TRPV1: variants seen among roughly 807,000 people sequenced by gnomAD.
The protein encoded by TRPV1 is transient receptor potential cation channel subfamily V member 1, also known as OTRPC1.
In TRPV1, 82 loss-of-function variants were observed where a neutral mutation model predicts 82.3. The observed-to-expected ratio is 1.00, with a 90% CI of 0.83 to 1.20. TRPV1 has a LOEUF of 1.20. Ranked by LOEUF, TRPV1 falls within the 50% of genes most tolerant of loss-of-function variation. TRPV1 has a pLI of 0.00. For synonymous variants in TRPV1, 515 were observed against 467.7 expected, an observed-to-expected ratio of 1.10 and a Z score of -1.30; for missense variants, 1,067 against 1,096.8, an observed-to-expected ratio of 0.97 and a Z score of 0.38.
chr17:3,599,394 CA>C (rs1283792484), intron 2 of TRPV1, among the ~76,000 whole-genome samples: 1 of 152,144 alleles, frequency 6.6e-6, no homozygotes, highest in African/African-American at 2.4e-5. Context: ...ACTTTTTCAT[CA>C]TCCCAAACTG....
At position 3,573,719 on chromosome 17, in the gene TRPV1, T is replaced by C; in HGVS notation, c.2017A>G (p.Ile673Val). ...GCGATGAGCATGTTGAGCAGGAGGA[T>C]GTAGGTGAGAATTACATAGGCCAGC... ...LLLAYVILTYILLLNMLIALM... is the reference protein window; with the variant it reads ...LLLAYVILTYVLLLNMLIALM... The change falls in exon 14 of 17, where the codon ATC becomes GTC. Residue 673 changes from isoleucine (I) to valine (V), a missense_variant. Transcript: ENST00000572705. 1.2e-6 allele frequency: 2 copies of C among 1,613,956 alleles called. No individual in the cohort carries two copies. Among genetic ancestry groups the C allele is most frequent in the Non-Finnish European group, 1.7e-6 (2 of 1,179,976 alleles).
intron 3 of TRPV1, 142 bp downstream of exon 3, chr17:3,591,925 G>A: frequency 1.6e-6 from 2 of 1,259,860 alleles, no homozygotes; most frequent in Non-Finnish European, 2.1e-6. Context: ...GTCACATGAG[G>A]AAGGACGCTG....
intron 2 of TRPV1, 22 bp from the exon 3 acceptor site, chr17:3,592,405 GGT>G (rs1469679316): frequency 6.6e-7 from 1 of 1,524,430 alleles, no homozygotes; most frequent in Non-Finnish European, 8.8e-7. Context: ...ACCACGCCGG[GGT>G]TGACTCCCAA....
At chr17:3,583,495 G>C (rs569387960) in intron 9 of TRPV1, 65 bp from the exon 10 acceptor site, 3 of 1,309,878 alleles carry the variant, frequency 2.3e-6, no homozygotes, top group South Asian at 2.6e-5. Context: ...ACATGGACCA[G>C]GTCCATGAAG....
At chr17:3,573,077 C>CTTAGTACAG in intron 14 of TRPV1, among the ~76,000 whole-genome samples, 1 of 151,274 alleles carries the variant, frequency 6.6e-6, no homozygotes, top group African/African-American at 2.4e-5. Flanking sequence ...GAGACAGACA[C>CTTAGTACAG]TTAGTACAGT....
chr17:3,604,298 CAGA>C (rs138694605), intron 2 of TRPV1, among the ~76,000 whole-genome samples: 5,230 of 152,232 alleles, frequency 0.034, 101 homozygotes, highest in Middle Eastern at 0.082. Context: ...CAGTCCACTT[CAGA>C]AGAAGAGAAA....
At chr17:3,591,860 G>C (rs751357346) in intron 3 of TRPV1, among the ~76,000 whole-genome samples, 1 of 152,198 alleles carries the variant, frequency 6.6e-6, no homozygotes, top group South Asian at 2.1e-4. Context: ...CATTGCGGGC[G>C]TGGACACCTA....
At chr17:3,596,535 C>T (rs1365626807) in intron 2 of TRPV1, among the ~76,000 whole-genome samples, 1 of 152,224 alleles carries the variant, frequency 6.6e-6, no homozygotes, top group Non-Finnish European at 1.5e-5. Context: ...CTCGTCCACT[C>T]CACAGAGAGG....
chr17:3,577,561 G>T (rs200485206), intron 12 of TRPV1, 37 bp downstream of exon 12: 2 of 1,555,182 alleles, frequency 1.3e-6, no homozygotes, highest in Non-Finnish European at 1.7e-6. Flanking sequence ...GAGGTAAGCG[G>T]GCTCTGAGGA....
Position 3,566,913 on chromosome 17 carries a change from C to G in TRPV1, c.2422G>C (p.Ala808Pro). Residue 808 changes from alanine to proline, a missense_variant, in exon 17 of 17, where the codon GCT (alanine) becomes CCT (proline). Ala to Pro is a conservative substitution (Grantham distance 27). Coordinates refer to ENST00000572705, the MANE Select transcript of TRPV1 (RefSeq NM_080704.4). ...CGCAGATAAACTTCCTCGGGCTGAG[C>G]AGACTGCCTATCTCGAGCACTTGCC... ...REASARDRQS[A>P]QPEEVYLRQF... 2 of 1,613,974 alleles carry G rather than the reference C, an allele frequency of 1.2e-6. No homozygotes were observed.
At chr17:3,589,037 G>T (rs2075119690) in intron 7 of TRPV1, 3 of 1,391,874 alleles carry the variant, frequency 2.2e-6, no homozygotes, top group Admixed American at 3.9e-5. Context: ...TGTAATCCCA[G>T]CTACTTGGGA....
rs1476086363 is a variant in TRPV1 at position 3,582,060 on chromosome 17, G to C, written c.1476+1278C>G. ...AAAAAATTAGCCGGGCGTGGTGGCGGGTGCCTGTAGTCCCAGCTACTCGGG... is the reference window on the plus strand; with the variant it reads ...AAAAAATTAGCCGGGCGTGGTGGCGCGTGCCTGTAGTCCCAGCTACTCGGG... On this transcript the variant is annotated intron_variant, in intron 10 of 16. Transcript: ENST00000572705. 4.2e-5 allele frequency among the ~76,000 whole-genome samples: 6 copies of C among 142,720 alleles called. No individual in the cohort carries two copies. The South Asian group carries it at 6.9e-4, about 16-fold the overall frequency. 93.6% of individuals were successfully genotyped at this position (142,720 alleles called of 152,430 possible).
At chr17:3,598,234 C>T (rs560148352) in intron 2 of TRPV1, among the ~76,000 whole-genome samples, 27 of 152,350 alleles carry the variant, frequency 1.8e-4, no homozygotes, top group Non-Finnish European at 2.9e-5. Flanking sequence ...CTGGAATAAG[C>T]AGCCACTGCC....
intron 10 of TRPV1, among the ~76,000 whole-genome samples, chr17:3,581,984 A>G (rs1242108411): frequency 2.0e-5 from 3 of 147,326 alleles, no homozygotes; most frequent in Non-Finnish European, 3.0e-5. Context: ...AGGTCAGGAG[A>G]TCGAGACCAT....
intron 13 of TRPV1, among the ~76,000 whole-genome samples, chr17:3,574,623 G>A (rs774305137): frequency 3.6e-4 from 55 of 152,344 alleles, no homozygotes; most frequent in Non-Finnish European, 6.2e-4. Context: ...GTGGGACTCG[G>A]ATGAGCATCA....
chr17:3,600,589 A>C (rs371846916), intron 2 of TRPV1, among the ~76,000 whole-genome samples: 6,828 of 152,230 alleles, frequency 0.045, 476 homozygotes, highest in African/African-American at 0.14. Flanking sequence ...ACTCCATTTA[A>C]AAAAAACAAA....
At chr17:3,585,982 C>T (rs564326453) in intron 8 of TRPV1, 56 bp from the exon 9 acceptor site, 8 of 1,598,814 alleles carry the variant, frequency 5.0e-6, no homozygotes, top group Non-Finnish European at 6.0e-6. Context: ...TCCTCGCACG[C>T]CCACACCAGC....
At chr17:3,567,722 T>C (rs2074787579) in intron 16 of TRPV1, among the ~76,000 whole-genome samples, 1 of 149,694 alleles carries the variant, frequency 6.7e-6, no homozygotes, top group African/African-American at 2.5e-5. Context: ...AGGCAGGATC[T>C]GGGGTCCAGG....
Position 3,566,680 on chromosome 17 carries a change from A to G in TRPV1, c.*135T>C, listed in dbSNP as rs1329365698. 3.6e-6 allele frequency: 4 copies of G among 1,108,964 alleles called. No homozygotes were observed. The highest frequency in any genetic ancestry group is 5.6e-5 in the Admixed American group (2 of 35,658). The allele number at this position is 1,108,964 out of a possible 1,614,324, so 68.7% of individuals were successfully genotyped here. ...GAACGCTTCCCACAGCTTGTCCAGC[A>G]CAGATTTGGGAACATGCTGGGCAGG... is the stretch of plus-strand genomic sequence containing the variant. On this transcript the variant is annotated 3_prime_UTR_variant, in exon 17 of 17. Transcript: ENST00000572705.
Sources: allele counts gnomAD v4.1 joint callset (sites outside exome capture counted in the v4.1 genomes callset), GRCh38; gene constraint gnomAD v4.1.1; transcripts MANE v1.5; gene names NCBI Gene and HGNC (gene_info 2026-07-23, HGNC 2026-07-21).